The following SEC24B variants were observed in gnomAD, a reference collection of about 807,000 sequenced individuals.
SEC24B encodes SEC24 homolog B, COPII component.
Under a neutral mutation model 142.8 loss-of-function variants are expected in SEC24B, and 45 were observed. The observed-to-expected ratio is 0.32, with a 90% CI of 0.25 to 0.40. The LOEUF is 0.40. Ranked by LOEUF, SEC24B falls within the 10% of genes least tolerant of loss-of-function variation. The probability of loss-of-function intolerance (pLI) is 1.00; values close to 1 mark genes in which losing one functional copy is unlikely to be tolerated. For missense variants in SEC24B, 1,409 were observed against 1,526.8 expected, an observed-to-expected ratio of 0.92 and a Z score of 1.29; for synonymous variants, 574 against 568.2, an observed-to-expected ratio of 1.01 and a Z score of -0.15.
intron 22 of SEC24B, among the ~76,000 whole-genome samples, chr4:109,536,935 TA>T (rs1296146233): frequency 6.6e-6 from 1 of 151,960 alleles, no homozygotes; most frequent in Non-Finnish European, 1.5e-5. Flanking sequence ...TTATATTTGG[TA>T]ACAATAAATA....
intron 20 of SEC24B, among the ~76,000 whole-genome samples, chr4:109,532,333 A>T (rs1000425805): frequency 7.1e-6 from 1 of 141,764 alleles, no homozygotes; most frequent in African/African-American, 2.5e-5. Context: ...AAAGAAATGT[A>T]AAAAAAAAAG....
chr4:109,467,983 C>T (rs914057397), intron 2 of SEC24B, among the ~76,000 whole-genome samples: 2 of 152,178 alleles, frequency 1.3e-5, no homozygotes, highest in Non-Finnish European at 2.9e-5. Flanking sequence ...GTCCACTACA[C>T]GCATGACACT....
intron 1 of SEC24B, among the ~76,000 whole-genome samples, chr4:109,454,659 C>A (rs1228964999): frequency 6.6e-6 from 1 of 152,236 alleles, no homozygotes; most frequent in Non-Finnish European, 1.5e-5. Context: ...GTCCCGTTCT[C>A]CCCTGAGGCT....
chr4:109,526,230 T>C lies in SEC24B; in HGVS notation c.2796T>C (p.Leu932=). The stretch of plus-strand genomic sequence containing the variant: ...TTATGATTTTCTCCTTTTTAGGTCT[T>C]TCAATGCACACTTTTCACGGTAACT... ...AVMRIRCTKG[L]SMHTFHGNFF... Residue 932 remains leucine, a synonymous_variant, in exon 17 of 24, where the codon CTT becomes CTC. Coordinates refer to ENST00000265175, the MANE Select transcript of SEC24B (RefSeq NM_006323.5). The C allele has an allele frequency of 6.2e-7, 1 of 1,613,414 alleles. No homozygotes were observed.
chr4:109,438,156 G>A (rs1728588284), intron 1 of SEC24B, among the ~76,000 whole-genome samples: 1 of 152,146 alleles, frequency 6.6e-6, no homozygotes, highest in East Asian at 1.9e-4. Flanking sequence ...TTGTGAGGGT[G>A]GCAGTTTTTT....
chr4:109,447,676 T>G (rs1729610745), intron 1 of SEC24B, among the ~76,000 whole-genome samples: 1 of 152,196 alleles, frequency 6.6e-6, no homozygotes, highest in Non-Finnish European at 1.5e-5. Flanking sequence ...GCATACCTCT[T>G]GAAAATTATT....
intron 4 of SEC24B, among the ~76,000 whole-genome samples, chr4:109,486,892 C>T (rs1734414983): frequency 6.6e-6 from 1 of 152,066 alleles, no homozygotes; most frequent in Non-Finnish European, 1.5e-5. Flanking sequence ...TAAGCAGGCG[C>T]GGTGGCTCAC....
chr4:109,506,532 A>G lies in SEC24B; in HGVS notation c.1673+20A>G. The G allele has an allele frequency of 7.0e-7, 1 of 1,420,256 alleles. No homozygotes were observed. The allele number at this position is 1,420,256 out of a possible 1,614,324, so 88.0% of individuals were successfully genotyped here. Reference sequence around the variant, plus strand: ...CCCAGAGTAGGTATTTATTTATTTTATAATCTTTCTTAAGTGATGAAAACA... The same window carrying G: ...CCCAGAGTAGGTATTTATTTATTTTGTAATCTTTCTTAAGTGATGAAAACA... On this transcript the variant is annotated intron_variant, in intron 7 of 23. Coordinates refer to ENST00000265175, the MANE Select transcript of SEC24B (RefSeq NM_006323.5).
At position 109,525,034 on chromosome 4, in the gene SEC24B, A is replaced by C. The variant is rs141724183; in HGVS notation, c.2632+93A>C. 7,486 of 1,199,142 alleles carry C rather than the reference A, an allele frequency of 6.2e-3. 294 individuals carry two copies. The South Asian group carries it at 0.074, about 12-fold the overall frequency. 74.3% of individuals were successfully genotyped at this position (1,199,142 alleles called of 1,614,324 possible). ...CTTCAGTAAGCATTCTCTATATTTTAGGGAGAAAAGCATGTGCATTAGATA... is the reference window on the plus strand; with the variant it reads ...CTTCAGTAAGCATTCTCTATATTTTCGGGAGAAAAGCATGTGCATTAGATA... On this transcript the variant is annotated intron_variant, in intron 15 of 23. Transcript: ENST00000265175.
chr4:109,478,925 C>T (rs900093160), intron 3 of SEC24B, among the ~76,000 whole-genome samples: 1 of 152,174 alleles, frequency 6.6e-6, no homozygotes, highest in Non-Finnish European at 1.5e-5. Context: ...CTAGTGTGTA[C>T]ACCTAGTTTC....
intron 1 of SEC24B, among the ~76,000 whole-genome samples, chr4:109,447,273 G>A (rs1281252020): frequency 6.6e-6 from 1 of 151,996 alleles, no homozygotes; most frequent in African/African-American, 2.4e-5. Flanking sequence ...CATACTCATG[G>A]CTACTTTAGT....
At chr4:109,462,393 G>A (rs1004108984) in intron 1 of SEC24B, among the ~76,000 whole-genome samples, 1 of 152,190 alleles carries the variant, frequency 6.6e-6, no homozygotes, top group African/African-American at 2.4e-5. Flanking sequence ...GAGATAACCT[G>A]TTGGCTGGGC....
chr4:109,503,602 C>T lies in SEC24B; in HGVS notation c.1489-2726C>T, dbSNP rs897041805. On this transcript the variant is annotated intron_variant, in intron 6 of 23. Transcript: ENST00000265175. ...CTCGAACTCCTGAAGTTAAGTGACG[C>T]GCCCACTTCGGCCTCCCAAAGTGCT... 5.9e-5 allele frequency among the ~76,000 whole-genome samples: 9 copies of T among 152,140 alleles called. 1 individual carries two copies. The highest frequency in any genetic ancestry group is 2.6e-4 in the Admixed American group (4 of 15,276).
intron 1 of SEC24B, among the ~76,000 whole-genome samples, chr4:109,460,991 T>C (rs1026611809): frequency 1.3e-5 from 2 of 152,008 alleles, no homozygotes; most frequent in African/African-American, 4.8e-5. Flanking sequence ...ATCAAGAAAC[T>C]ATAGCAAAAG....
chr4:109,489,639 A>C (rs1561127191), intron 4 of SEC24B, among the ~76,000 whole-genome samples: 1 of 141,422 alleles, frequency 7.1e-6, no homozygotes, highest in African/African-American at 2.7e-5. Context: ...TATGGTATAT[A>C]TATGATATAT....
Position 109,526,394 on chromosome 4 carries a change from G to A in SEC24B, c.2960G>A (p.Ser987Asn). ...CFQTALLYTS[S>N]KGERRIRVHT... ...CAAACAGCCCTATTATATACATCAA[G>A]CAAAGGTAATGTTAACAGAAATGAA... Residue 987 changes from serine (S) to asparagine (N), a missense_variant, in exon 17 of 24, where the codon AGC (serine) becomes AAC (asparagine). By Grantham distance (46) the Ser-to-Asn change is conservative. Coordinates refer to ENST00000265175, the MANE Select transcript of SEC24B (RefSeq NM_006323.5). The A allele has an allele frequency of 6.2e-7, 1 of 1,603,974 alleles. No individual in the cohort carries two copies. The highest frequency in any genetic ancestry group is 8.5e-7 in the Non-Finnish European group (1 of 1,173,256).
In SEC24B at chr4:109,540,306, ACT is replaced by A. The variant is rs1185082900; in HGVS notation, c.*634_*635del. The A allele has an allele frequency of 6.6e-6, 1 of 152,550 alleles. No individual in the cohort carries two copies. Among genetic ancestry groups the A allele is most frequent in the African/African-American group, 2.4e-5 (1 of 41,392 alleles). The allele number at this position is 152,550 out of a possible 1,614,324, so 9.4% of individuals were successfully genotyped here. On this transcript the variant is annotated 3_prime_UTR_variant, in exon 24 of 24. Transcript: ENST00000265175. Reference sequence around the variant, plus strand: ...AACTGTGCTGCATTGTTGGATGACAACTCTTTTTGTCACAGTTAGAGAATGAG... The same window carrying A: ...AACTGTGCTGCATTGTTGGATGACAACTTTTTGTCACAGTTAGAGAATGAG...
chr4:109,491,525 G>A, intron 5 of SEC24B, 118 bp downstream of exon 5: 1 of 718,574 alleles, frequency 1.4e-6, no homozygotes, highest in Non-Finnish European at 2.3e-6. Flanking sequence ...AGAAAAAAAG[G>A]ACATTTTTCT....
In SEC24B at chr4:109,532,757, A is replaced by T. The variant is rs566695563; in HGVS notation, c.3495+14A>T. 2.3e-6 allele frequency: 3 copies of T among 1,296,640 alleles called. No homozygotes were observed. Among genetic ancestry groups the T allele is most frequent in the South Asian group, 1.2e-5 (1 of 84,410 alleles). The allele number at this position is 1,296,640 out of a possible 1,614,324, so 80.3% of individuals were successfully genotyped here. A position where few individuals can be genotyped will look rare whatever the true frequency, so the allele number is the denominator to read the frequency against. ...GACTGTGGCTCTGTAAGCACCCTTT[A>T]CTGGCAAAGCTTAACACTGTTTGAG... On this transcript the variant is annotated intron_variant, in intron 21 of 23. Transcript: ENST00000265175.
Sources: gnomAD v4.1 joint callset for allele counts (sites outside exome capture counted in the v4.1 genomes callset) on GRCh38, gnomAD v4.1.1 for gene constraint, MANE v1.5 for transcripts, NCBI Gene and HGNC (gene_info 2026-07-23, HGNC 2026-07-21) for gene names.